Variants in RSU1 observed in about 807,000 individuals in gnomAD.
RSU1 encodes Ras suppressor protein 1, also known as rsu-1.
In RSU1, 26 loss-of-function variants were observed where a neutral mutation model predicts 31.1. That is an observed-to-expected ratio of 0.84 (90% CI 0.61 to 1.16). The LOEUF (loss-of-function observed/expected upper bound fraction) is 1.16, where lower values mean the gene tolerates loss of function less well. Ranked by LOEUF, RSU1 falls within the 50% of genes most tolerant of loss-of-function variation. The probability of loss-of-function intolerance (pLI) is 0.00; values close to 1 mark genes in which losing one functional copy is unlikely to be tolerated. For missense variants in RSU1, 320 were observed against 339.1 expected (o/e 0.94, Z 0.44); for synonymous variants, 164 against 136.3 (o/e 1.20, Z -1.41).
chr10:16,738,280 A>G (rs2131607433), intron 7 of RSU1, among the ~76,000 whole-genome samples: 1 of 152,182 alleles, frequency 6.6e-6, no homozygotes, highest in Admixed American at 6.5e-5. Flanking sequence ...CTCCGTCTCT[A>G]CTAAAAAAAA....
intron 7 of RSU1, among the ~76,000 whole-genome samples, chr10:16,699,835 G>A (rs1276814975): frequency 6.6e-6 from 1 of 152,228 alleles, no homozygotes; most frequent in Non-Finnish European, 1.5e-5. Flanking sequence ...ATGCTGCTAT[G>A]AAGATCGTAT....
At chr10:16,657,888 G>T (rs942789128) in intron 8 of RSU1, among the ~76,000 whole-genome samples, 2 of 152,172 alleles carry the variant, frequency 1.3e-5, no homozygotes, top group Non-Finnish European at 2.9e-5. Flanking sequence ...TACTCGGGAG[G>T]CTGAGGCACA....
intron 8 of RSU1, among the ~76,000 whole-genome samples, chr10:16,680,315 G>A (rs1835306187): frequency 6.6e-6 from 1 of 151,872 alleles, no homozygotes; most frequent in Admixed American, 6.6e-5. Context: ...ACATAAGAAA[G>A]GCAATCTGAA....
intron 8 of RSU1, among the ~76,000 whole-genome samples, chr10:16,648,695 A>T (rs1181615487): frequency 2.6e-5 from 4 of 152,154 alleles, no homozygotes; most frequent in African/African-American, 4.8e-5. Flanking sequence ...CCAGAAAATT[A>T]AATGTACCTG....
intron 8 of RSU1, among the ~76,000 whole-genome samples, chr10:16,688,279 G>A (rs1835475313): frequency 6.6e-6 from 1 of 152,062 alleles, no homozygotes; most frequent in South Asian, 2.1e-4. Context: ...CACATATTAT[G>A]GATAAAATGT....
intron 7 of RSU1, among the ~76,000 whole-genome samples, chr10:16,718,843 T>C (rs1232723204): frequency 1.3e-5 from 2 of 151,990 alleles, no homozygotes; most frequent in Admixed American, 6.6e-5. Flanking sequence ...TAGCCGGGCA[T>C]GGTGGCGGAC....
At chr10:16,808,434 G>C (rs1392535157) in intron 2 of RSU1, among the ~76,000 whole-genome samples, 3 of 142,510 alleles carry the variant, frequency 2.1e-5, no homozygotes, top group African/African-American at 7.8e-5. Flanking sequence ...CAGTGACCGT[G>C]ATCATGCCAC....
rs1238831888 is a variant in RSU1 at position 16,762,510 on chromosome 10, G to A, written c.281+1880C>T. Among the ~76,000 whole-genome samples, 4 of 143,486 alleles carry A rather than the reference G, an allele frequency of 2.8e-5. 1 individual carries two copies. The highest frequency in any genetic ancestry group is 3.9e-4 in the East Asian group (2 of 5,150). The allele number at this position is 143,486 out of a possible 152,430, so 94.1% of individuals were successfully genotyped here. On this transcript the variant is annotated intron_variant, in intron 4 of 8. Transcript: ENST00000345264. ...TGGGTATACAGGCTCCAAATTTGTA[G>A]GGAGAAAAAAAAAAAAACCATCTCA...
intron 3 of RSU1, among the ~76,000 whole-genome samples, chr10:16,767,890 C>A (rs1447619396): frequency 1.3e-5 from 2 of 152,154 alleles, no homozygotes; most frequent in African/African-American, 4.8e-5. Context: ...AAAAAAATAA[C>A]CAGTTAGCAA....
intron 7 of RSU1, among the ~76,000 whole-genome samples, chr10:16,738,130 C>T (rs962768234): frequency 2.6e-5 from 4 of 152,096 alleles, no homozygotes; most frequent in African/African-American, 9.7e-5. Context: ...CGGAGAAAAA[C>T]TTCTAACTTG....
chr10:16,622,210 G>T (rs909057855), intron 8 of RSU1, among the ~76,000 whole-genome samples: 13 of 152,170 alleles, frequency 8.5e-5, no homozygotes, highest in African/African-American at 3.1e-4. Flanking sequence ...TTTTTATATA[G>T]ATACTATTCA....
chr10:16,806,056 A>G lies in RSU1; in HGVS notation c.109+10917T>C, dbSNP rs1388285074. Among the ~76,000 whole-genome samples the G allele has an allele frequency of 2.6e-5, 4 of 152,186 alleles. No individual in the cohort carries two copies. In the East Asian group the frequency reaches 7.7e-4, roughly 29 times the overall value. On this transcript the variant is annotated intron_variant, in intron 2 of 8. Coordinates refer to ENST00000345264, the MANE Select transcript of RSU1 (RefSeq NM_012425.4). ...TTGCTTTGAAAATCTGTCAACTTGT[A>G]CTGTCATTATGCACTTATCGATACG...
chr10:16,775,005 C>A (rs748661801), intron 3 of RSU1, among the ~76,000 whole-genome samples: 1 of 152,050 alleles, frequency 6.6e-6, no homozygotes, highest in East Asian at 1.9e-4. Flanking sequence ...GATTGTGCCA[C>A]TGTACTCCAA....
chr10:16,626,426 A>C (rs926885205), intron 8 of RSU1, among the ~76,000 whole-genome samples: 5 of 152,226 alleles, frequency 3.3e-5, no homozygotes, highest in East Asian at 1.9e-4. Context: ...TTGGCCTCCC[A>C]AAGTGCTGGG....
intron 2 of RSU1, among the ~76,000 whole-genome samples, chr10:16,789,639 G>A (rs546453275): frequency 9.2e-5 from 14 of 152,276 alleles, no homozygotes; most frequent in East Asian, 5.8e-4. Context: ...AGCTGCCCCC[G>A]TTGAACGTGT....
chr10:16,792,212 C>A (rs140699629), intron 2 of RSU1, among the ~76,000 whole-genome samples: 107 of 152,276 alleles, frequency 7.0e-4, no homozygotes, highest in African/African-American at 2.5e-3. Flanking sequence ...ACTAAAAAGG[C>A]CTTTGCTATC....
intron 8 of RSU1, among the ~76,000 whole-genome samples, chr10:16,642,596 G>A (rs922249138): frequency 2.0e-5 from 3 of 152,120 alleles, no homozygotes; most frequent in Non-Finnish European, 4.4e-5. Flanking sequence ...CATGCTTGGC[G>A]TTATGTAAAA....
intron 8 of RSU1, among the ~76,000 whole-genome samples, 184 bp downstream of exon 8, chr10:16,694,839 A>G (rs1023752040): frequency 4.6e-5 from 7 of 152,076 alleles, no homozygotes; most frequent in African/African-American, 1.7e-4. Context: ...GACTTCCCCA[A>G]ATGCTAGGAT....
At chr10:16,763,602 G>C (rs749333829) in intron 4 of RSU1, among the ~76,000 whole-genome samples, 1 of 152,126 alleles carries the variant, frequency 6.6e-6, no homozygotes, top group East Asian at 1.9e-4. Flanking sequence ...CATGAGATTT[G>C]CTGGGGACAC....
Sources: gnomAD v4.1 joint callset for allele counts (sites outside exome capture counted in the v4.1 genomes callset) on GRCh38, gnomAD v4.1.1 for gene constraint, MANE v1.5 for transcripts, NCBI Gene and HGNC (gene_info 2026-07-23, HGNC 2026-07-21) for gene names.